DSC1: variants seen among roughly 807,000 people sequenced by gnomAD.
DSC1 encodes the protein desmocollin 1.
Under a neutral mutation model 98.8 loss-of-function variants are expected in DSC1, and 79 were observed. The ratio of observed to expected loss-of-function variants is 0.80; its 90% confidence interval spans 0.67 to 0.96. DSC1 has a LOEUF of 0.96. DSC1 is among the 50% of genes least tolerant of loss of function. DSC1 has a pLI of 0.00. For synonymous variants in DSC1, 405 were observed against 372.1 expected (o/e 1.09, Z -1.02); for missense variants, 1,115 against 1,075.9 (o/e 1.04, Z -0.51).
chr18:31,140,740 A>G (rs1260447149), intron 9 of DSC1, among the ~76,000 whole-genome samples: 1 of 152,222 alleles, frequency 6.6e-6, no homozygotes, highest in East Asian at 1.9e-4. Flanking sequence ...AGATAGAATG[A>G]TATTTAACAG....
At chr18:31,154,078 A>T (rs1989048579) in intron 5 of DSC1, among the ~76,000 whole-genome samples, 6 of 152,216 alleles carry the variant, frequency 3.9e-5, no homozygotes, top group Admixed American at 3.3e-4. Flanking sequence ...ATTTCATCAG[A>T]TGAGACATCA....
At chr18:31,145,562 TCA>T in intron 7 of DSC1, 47 bp downstream of exon 7, 1 of 1,598,000 alleles carries the variant, frequency 6.3e-7, no homozygotes, top group Non-Finnish European at 8.6e-7. Flanking sequence ...GAGTTCATTC[TCA>T]GTTTAAATGT....
chr18:31,137,363 C>A (rs1203099405), intron 11 of DSC1, among the ~76,000 whole-genome samples: 2 of 152,128 alleles, frequency 1.3e-5, no homozygotes, highest in Non-Finnish European at 2.9e-5. Context: ...AATGTTTAAT[C>A]TCAATTTTCT....
At chr18:31,135,136 T>C (rs1315219201) in intron 11 of DSC1, among the ~76,000 whole-genome samples, 1 of 152,172 alleles carries the variant, frequency 6.6e-6, no homozygotes, top group Non-Finnish European at 1.5e-5. Context: ...CATTTGGTTG[T>C]CAGTCACTTT....
chr18:31,134,597 T>C lies in DSC1; in HGVS notation c.1851A>G (p.Lys617=). ...FQFFLDNSAS[K]NWNIEEKDGK... ...CATCCTTTTCTTCTATGTTCCAGTT[T>C]TTACTGGCAGAATTATCCAGAAAGA... The change falls in exon 12 of 16, where the codon AAA becomes AAG. Residue 617 remains lysine (K), a synonymous_variant. Coordinates refer to ENST00000257198, the MANE Select transcript of DSC1 (RefSeq NM_024421.2). 6.2e-7 allele frequency: 1 copy of C among 1,611,292 alleles called. No homozygotes were observed. Among genetic ancestry groups the C allele is most frequent in the Non-Finnish European group, 8.5e-7 (1 of 1,178,442 alleles).
At chr18:31,150,421 G>A (rs201951744) in intron 5 of DSC1, among the ~76,000 whole-genome samples, 103 of 3,844 alleles carry the variant, frequency 0.027, no homozygotes, top group East Asian at 0.047. Context: ...CATCATCACT[G>A]CTACCACTAT....
intron 13 of DSC1, among the ~76,000 whole-genome samples, chr18:31,133,523 G>A (rs952311708): frequency 9.9e-5 from 15 of 152,140 alleles, no homozygotes; most frequent in African/African-American, 3.1e-4. Flanking sequence ...TTGTATGTAT[G>A]TATTCCCTAC....
chr18:31,139,184 G>A (rs1402336933), intron 11 of DSC1, among the ~76,000 whole-genome samples: 2 of 151,994 alleles, frequency 1.3e-5, no homozygotes, highest in Non-Finnish European at 2.9e-5. Flanking sequence ...ATATTTGGAG[G>A]ACATTCTTTA....
Position 31,162,682 on chromosome 18 carries a change from CA to C in DSC1, c.-89del. 2.5e-6 allele frequency: 3 copies of C among 1,177,448 alleles called. No individual in the cohort carries two copies. In the South Asian group the frequency reaches 3.7e-5, roughly 15 times the overall value. The allele number at this position is 1,177,448 out of a possible 1,614,324, so 72.9% of individuals were successfully genotyped here. The stretch of plus-strand genomic sequence containing the variant: ...GCGGCTAAGAAGACGCTGGCACTTG[CA>C]CAGGGTATTCTGCTGCCACCTTGAT... On this transcript the variant is annotated 5_prime_UTR_variant, in exon 1 of 16. Coordinates refer to ENST00000257198, the MANE Select transcript of DSC1 (RefSeq NM_024421.2).
At chr18:31,140,690 T>A (rs1010542475) in intron 9 of DSC1, among the ~76,000 whole-genome samples, 7 of 152,190 alleles carry the variant, frequency 4.6e-5, no homozygotes, top group Non-Finnish European at 7.4e-5. Flanking sequence ...TAGATAGAAA[T>A]TTGGCTATAA....
intron 9 of DSC1, 87 bp downstream of exon 9, chr18:31,141,912 A>G: frequency 7.6e-7 from 1 of 1,312,680 alleles, no homozygotes; most frequent in Non-Finnish European, 1.0e-6. Context: ...GCAGTAGTCT[A>G]GTCATATACA....
intron 14 of DSC1, 28 bp downstream of exon 14, chr18:31,132,540 A>G (rs890796212): frequency 6.2e-7 from 1 of 1,611,684 alleles, no homozygotes; most frequent in Non-Finnish European, 8.5e-7. Flanking sequence ...TCACCGTACA[A>G]TTCAAAGGGA....
At chr18:31,136,245 T>C (rs1289381801) in intron 11 of DSC1, among the ~76,000 whole-genome samples, 1 of 152,026 alleles carries the variant, frequency 6.6e-6, no homozygotes, top group East Asian at 1.9e-4. Flanking sequence ...AAATGAATAA[T>C]ATGAAAAAGA....
In DSC1 at chr18:31,134,573, A is replaced by C. The variant is rs1240499333; in HGVS notation, c.1875T>G (p.Asp625Glu). The C allele has an allele frequency of 3.7e-6, 6 of 1,605,940 alleles. No individual in the cohort carries two copies. The highest frequency in any genetic ancestry group is 5.1e-6 in the Non-Finnish European group (6 of 1,174,892). Residue 625 changes from aspartate to glutamate, a missense_variant and splice_region_variant, in exon 12 of 16, where the codon GAT becomes GAG. Asp to Glu is a conservative substitution (Grantham distance 45). Transcript: ENST00000257198. The stretch of plus-strand genomic sequence containing the variant: ...ATAAAATTTAGCATGATTACATACC[A>C]TCCTTTTCTTCTATGTTCCAGTTTT... The part of the protein sequence containing the change: ...ASKNWNIEEK[D>E]GKTAILRQRQ...
intron 5 of DSC1, among the ~76,000 whole-genome samples, chr18:31,153,075 T>G (rs576738780): frequency 4.8e-4 from 73 of 152,026 alleles, no homozygotes; most frequent in Non-Finnish European, 8.8e-4. Context: ...TTCATTTACA[T>G]TTTTTTAAAT....
rs201493651 is a variant in DSC1 at position 31,137,965 on chromosome 18, ATGTGTGTGTGTGTG to A, written c.1663+1769_1663+1782del. On this transcript the variant is annotated intron_variant, in intron 11 of 15. Coordinates refer to ENST00000257198, the MANE Select transcript of DSC1 (RefSeq NM_024421.2). Reference sequence around the variant, plus strand: ...GAATAATCATGAGCATCAGAGCAAAATGTGTGTGTGTGTGTGTGTGTGTGTGTGTGTGTGTGTGT... The same window carrying A: ...GAATAATCATGAGCATCAGAGCAAAATGTGTGTGTGTGTGTGTGTGTGTGT... 2.2e-4 allele frequency among the ~76,000 whole-genome samples: 31 copies of A among 141,630 alleles called. No homozygotes were observed. In the East Asian group the frequency reaches 2.3e-3, roughly 11 times the overall value. The allele number at this position is 141,630 out of a possible 152,430, so 92.9% of individuals were successfully genotyped here. A position where few individuals can be genotyped will look rare whatever the true frequency, so the allele number is the denominator to read the frequency against.
In DSC1 at chr18:31,131,649, G is replaced by A; in HGVS notation, c.2432C>T (p.Thr811Ile). ...ESVKGVGQGD[T>I]GRYAYTDWQS... ...CCAGTCCGTGTACGCATATCTGCCA[G>A]TATCTCCCTGCCCCACTCCCTTGAC... The change falls in exon 15 of 16, where the codon ACT becomes ATT. Residue 811 changes from threonine to isoleucine, a missense_variant. Coordinates refer to ENST00000257198, the MANE Select transcript of DSC1 (RefSeq NM_024421.2). 1 of 1,614,102 alleles carries A rather than the reference G, an allele frequency of 6.2e-7. No homozygotes were observed. Among genetic ancestry groups the A allele is most frequent in the Non-Finnish European group, 8.5e-7 (1 of 1,179,980 alleles).
chr18:31,131,522 T>G (rs987746876), intron 15 of DSC1, 72 bp downstream of exon 15: 1 of 1,578,656 alleles, frequency 6.3e-7, no homozygotes, highest in African/African-American at 1.3e-5. Context: ...GGAGTAAAAC[T>G]TTTGGGAAAT....
rs1410732924 is a variant in DSC1 at position 31,130,481 on chromosome 18, C to T, written c.*33G>A. 1.2e-6 allele frequency: 2 copies of T among 1,606,346 alleles called. No homozygotes were observed. The highest frequency in any genetic ancestry group is 1.1e-5 in the South Asian group (1 of 90,540). On this transcript the variant is annotated 3_prime_UTR_variant, in exon 16 of 16. Coordinates refer to ENST00000257198, the MANE Select transcript of DSC1 (RefSeq NM_024421.2). Reference sequence around the variant, plus strand: ...TGCAAGTAATAAATTCCTACTTATGCATCTGTGGATATTACACTATTAAAA... The same window carrying T: ...TGCAAGTAATAAATTCCTACTTATGTATCTGTGGATATTACACTATTAAAA...
Sources: gnomAD v4.1 joint callset for allele counts (sites outside exome capture counted in the v4.1 genomes callset) on GRCh38, gnomAD v4.1.1 for gene constraint, MANE v1.5 for transcripts, NCBI Gene and HGNC (gene_info 2026-07-23, HGNC 2026-07-21) for gene names.